Variants in NPHP4 observed in about 807,000 individuals in gnomAD.
NPHP4 encodes the protein nephrocystin 4.
A neutral mutation model predicts 155.8 loss-of-function variants in NPHP4; 151 were observed. The observed-to-expected ratio is 0.97, with a 90% CI of 0.85 to 1.11. NPHP4 has a LOEUF of 1.11. NPHP4 is among the 50% of genes least tolerant of loss of function. The pLI is 0.00. For missense variants in NPHP4, 1,956 were observed against 1,925.7 expected, an observed-to-expected ratio of 1.02 and a Z score of -0.29; for synonymous variants, 845 against 816.8, an observed-to-expected ratio of 1.03 and a Z score of -0.59.
At chr1:5,924,240 T>C (rs1204291633) in intron 11 of NPHP4, among the ~76,000 whole-genome samples, 14 of 152,100 alleles carry the variant, frequency 9.2e-5, no homozygotes, top group Admixed American at 8.5e-4. Context: ...CAGCGAGCTG[T>C]GAGGCAATTT....
intron 4 of NPHP4, among the ~76,000 whole-genome samples, chr1:5,968,235 C>T (rs759045820): frequency 9.9e-5 from 15 of 152,098 alleles, no homozygotes; most frequent in Admixed American, 2.0e-4. Context: ...ATCCATACTA[C>T]CTCAAATCCA....
intron 5 of NPHP4, among the ~76,000 whole-genome samples, chr1:5,962,991 G>A (rs1452963666): frequency 6.6e-6 from 1 of 152,214 alleles, no homozygotes; most frequent in Non-Finnish European, 1.5e-5. Context: ...GGTCTCAGGC[G>A]GCTCAAGTCC....
intron 11 of NPHP4, among the ~76,000 whole-genome samples, chr1:5,920,734 T>C (rs965141822): frequency 6.6e-6 from 1 of 152,238 alleles, no homozygotes; most frequent in Non-Finnish European, 1.5e-5. Flanking sequence ...TTCTTTCTAA[T>C]CTTCTCATCT....
chr1:5,979,266 C>T (rs566475613), intron 2 of NPHP4, among the ~76,000 whole-genome samples: 14 of 151,768 alleles, frequency 9.2e-5, no homozygotes, highest in African/African-American at 3.4e-4. Flanking sequence ...AGGGAAACAA[C>T]AAGGAACAGA....
At chr1:5,895,184 G>A (rs1350999233) in intron 16 of NPHP4, among the ~76,000 whole-genome samples, 3 of 152,086 alleles carry the variant, frequency 2.0e-5, no homozygotes. Flanking sequence ...GCCTGTCGTG[G>A]GGTGGGGGAA....
Position 5,980,524 on chromosome 1 carries a change from G to C in NPHP4, c.136-2111C>G, listed in dbSNP as rs505523. Reference sequence around the variant, plus strand: ...AAGCAGAAATGACACAATCTGGTTCGGGATTTAAGAAAATTCCCGCAGCTG... The same window carrying C: ...AAGCAGAAATGACACAATCTGGTTCCGGATTTAAGAAAATTCCCGCAGCTG... On this transcript the variant is annotated intron_variant, in intron 2 of 29. Transcript: ENST00000378156. Among the ~76,000 whole-genome samples the C allele has an allele frequency of 2.0e-5, 3 of 152,140 alleles. 1 individual carries two copies. The highest frequency in any genetic ancestry group is 1.3e-4 in the Admixed American group (2 of 15,286).
intron 4 of NPHP4, among the ~76,000 whole-genome samples, chr1:5,968,067 C>A (rs1162701653): frequency 2.0e-5 from 3 of 151,958 alleles, no homozygotes; most frequent in African/African-American, 7.2e-5. Context: ...CTGCCAGGCA[C>A]CTGTGAAAAA....
At chr1:5,964,879 A>G (rs572160052) in intron 5 of NPHP4, among the ~76,000 whole-genome samples, 12 of 143,356 alleles carry the variant, frequency 8.4e-5, no homozygotes, top group African/African-American at 2.3e-4. Context: ...TAACACACAT[A>G]TAAATATACT....
At chr1:5,969,942 G>T (rs888285374) in intron 3 of NPHP4, among the ~76,000 whole-genome samples, 1 of 152,174 alleles carries the variant, frequency 6.6e-6, no homozygotes, top group African/African-American at 2.4e-5. Flanking sequence ...TTTATTAAAA[G>T]ATTTCTCAAG....
At chr1:5,921,815 A>G (rs181261863) in intron 11 of NPHP4, among the ~76,000 whole-genome samples, 1 of 152,322 alleles carries the variant, frequency 6.6e-6, no homozygotes, top group East Asian at 1.9e-4. Context: ...GGAATTTATT[A>G]TTGTACATGA....
In NPHP4 at chr1:5,904,686, C is replaced by T. The variant is rs768620166; in HGVS notation, c.2074G>A (p.Gly692Ser). 18 of 1,613,874 alleles carry T rather than the reference C, an allele frequency of 1.1e-5. No individual in the cohort carries two copies. Among genetic ancestry groups the T allele is most frequent in the South Asian group, 6.6e-5 (6 of 91,078 alleles). ...GTCAGGGCGCCAGAGCTGGGCTGGC[C>T]GGCCTCATCCAGCTGGACCAGCTGC... The part of the protein sequence containing the change: ...RLQLVQLDEA[G>S]QPSSGALTHI... Residue 692 changes from glycine to serine, a missense_variant, in exon 16 of 30, where the codon GGC (glycine) becomes AGC (serine). Gly to Ser is a moderately conservative substitution (Grantham distance 56). Coordinates refer to ENST00000378156, the MANE Select transcript of NPHP4 (RefSeq NM_015102.5).
In NPHP4 at chr1:5,961,921, G is replaced by T. The variant is rs1321949268; in HGVS notation, c.546C>A (p.Asn182Lys). 5.0e-6 allele frequency: 8 copies of T among 1,608,824 alleles called. No individual in the cohort carries two copies. Among genetic ancestry groups the T allele is most frequent in the Non-Finnish European group, 6.8e-6 (8 of 1,175,546 alleles). The change falls in exon 6 of 30, where the codon AAC becomes AAA. Residue 182 changes from asparagine to lysine, a missense_variant. Asn to Lys is a moderately conservative substitution (Grantham distance 94). Coordinates refer to ENST00000378156, the MANE Select transcript of NPHP4 (RefSeq NM_015102.5). ...EQNRHMTLIE[N>K]CSLQYTLKPH... Reference sequence around the variant, plus strand: ...GCTTCAGCGTGTACTGCAGGCTGCAGTTCTCAATGAGGGTCATGTGTCTGT... The same window carrying T: ...GCTTCAGCGTGTACTGCAGGCTGCATTTCTCAATGAGGGTCATGTGTCTGT...
At chr1:5,927,808 A>G (rs1450266400) in intron 10 of NPHP4, 21 bp from the exon 11 acceptor site, 1 of 1,594,260 alleles carries the variant, frequency 6.3e-7, no homozygotes, top group Admixed American at 1.7e-5. Flanking sequence ...CCAGAAGAGC[A>G]GTGATGGCCA....
chr1:5,908,657 A>G (rs1364975999), intron 12 of NPHP4, among the ~76,000 whole-genome samples: 1 of 152,138 alleles, frequency 6.6e-6, no homozygotes, highest in Non-Finnish European at 1.5e-5. Context: ...CGCCACGGGG[A>G]TCTGTGCGGT....
At chr1:5,865,809 T>G in intron 26 of NPHP4, 1 of 164,738 alleles carries the variant, frequency 6.1e-6, no homozygotes, top group South Asian at 1.6e-4. Flanking sequence ...CGTGGTCACG[T>G]GGCCCCTCTG....
chr1:5,863,645 C>CT, intron 29 of NPHP4: 1 of 622,536 alleles, frequency 1.6e-6, no homozygotes, highest in Non-Finnish European at 2.8e-6. Context: ...ACTGAGCTGT[C>CT]TAACATTACC....
In NPHP4 at chr1:5,875,399, G is replaced by A. The variant is rs60102374; in HGVS notation, c.2818-299C>T. Among the ~76,000 whole-genome samples the A allele has an allele frequency of 5.1e-3, 775 of 152,308 alleles. 3 individuals are homozygous for A. Among genetic ancestry groups the A allele is most frequent in the African/African-American group, 0.018 (741 of 41,566 alleles). On this transcript the variant is annotated intron_variant, in intron 20 of 29. Coordinates refer to ENST00000378156, the MANE Select transcript of NPHP4 (RefSeq NM_015102.5). ...CAGACACGAGTCTGGCCCCCCGCAC[G>A]GTGGAGAATCAGAAGTTTCAAACAA... is the stretch of plus-strand genomic sequence containing the variant.
rs1341854639 is a variant in NPHP4, at chr1:5,904,819, A to G, written c.1956-15T>C. The G allele has an allele frequency of 6.2e-7, 1 of 1,613,342 alleles. No individual in the cohort carries two copies. Among genetic ancestry groups the G allele is most frequent in the Non-Finnish European group, 8.5e-7 (1 of 1,179,322 alleles). On this transcript the variant is annotated splice_polypyrimidine_tract_variant and intron_variant, in intron 15 of 29. Transcript: ENST00000378156. ...CCTGGGCCACTCTGAATCCAACAAC[A>G]GCTCTGGGTTAACTGAGTATCCATG... is the stretch of plus-strand genomic sequence containing the variant.
In NPHP4 at chr1:5,936,762, G is replaced by C. The variant is rs565127924; in HGVS notation, c.1120-3433C>G. 3.3e-5 allele frequency among the ~76,000 whole-genome samples: 5 copies of C among 152,314 alleles called. No homozygotes were observed. The South Asian group carries it at 1.0e-3, about 32-fold the overall frequency. ...TGGCCTCTGGAAATGCTACAAACCA[G>C]AGTCCCTGTGGCGGGCTCAATGTGT... is the stretch of plus-strand genomic sequence containing the variant. On this transcript the variant is annotated intron_variant, in intron 9 of 29. Transcript: ENST00000378156.
Sources: allele counts gnomAD v4.1 joint callset (sites outside exome capture counted in the v4.1 genomes callset), GRCh38; gene constraint gnomAD v4.1.1; transcripts MANE v1.5; gene names NCBI Gene and HGNC (gene_info 2026-07-23, HGNC 2026-07-21).